The following FOXRED1 variants were observed in gnomAD, a reference collection of about 807,000 sequenced individuals.
FOXRED1 encodes FAD-dependent oxidoreductase domain-containing protein 1.
Under a neutral mutation model 57.8 loss-of-function variants are expected in FOXRED1, and 52 were observed. The observed-to-expected ratio is 0.90, with a 90% CI of 0.72 to 1.13. The LOEUF (loss-of-function observed/expected upper bound fraction) is 1.13, where lower values mean the gene tolerates loss of function less well. Ranked by LOEUF, FOXRED1 falls within the 50% of genes most tolerant of loss-of-function variation. The probability of loss-of-function intolerance (pLI) is 0.00; values close to 1 mark genes in which losing one functional copy is unlikely to be tolerated. For missense variants in FOXRED1, 589 were observed against 625.2 expected, an observed-to-expected ratio of 0.94 and a Z score of 0.62; for synonymous variants, 271 against 248.3, an observed-to-expected ratio of 1.09 and a Z score of -0.86.
At position 126,269,192 on chromosome 11, in the gene FOXRED1, G is replaced by T. The variant is rs201288313; in HGVS notation, c.-15G>T. On this transcript the variant is annotated 5_prime_UTR_variant, in exon 1 of 11. Transcript: ENST00000263578. Reference sequence around the variant, plus strand: ...CAGCAGTGCAGCTTTCAGAGGGTCCGGGCTCAGAGGGGTTATGATTCGGAG... The same window carrying T: ...CAGCAGTGCAGCTTTCAGAGGGTCCTGGCTCAGAGGGGTTATGATTCGGAG... 1.9e-6 allele frequency: 3 copies of T among 1,601,110 alleles called. No individual in the cohort carries two copies. Among genetic ancestry groups the T allele is most frequent in the Admixed American group, 1.7e-5 (1 of 60,020 alleles).
chr11:126,271,692 G>A lies in FOXRED1; in HGVS notation c.306+35G>A. On this transcript the variant is annotated intron_variant, in intron 2 of 10. Coordinates refer to ENST00000263578, the MANE Select transcript of FOXRED1 (RefSeq NM_017547.4). This position sits in a 1 kb window ranked among gnomAD's most constrained non-coding sequence, Gnocchi z 5.3. ...GGGGTAGGGCAGAGTCATGAGTGGG[G>A]CAAGAAAGATGACTCATTTTATTAA... The A allele has an allele frequency of 2.0e-6, 3 of 1,528,766 alleles. No homozygotes were observed. Among genetic ancestry groups the A allele is most frequent in the Non-Finnish European group, 2.7e-6 (3 of 1,104,058 alleles). The allele number at this position is 1,528,766 out of a possible 1,614,324, so 94.7% of individuals were successfully genotyped here.
rs142489681 is a variant in FOXRED1 at position 126,277,631 on chromosome 11, C to T, written c.1403C>T (p.Pro468Leu). ...KGRFQTIDLS[P>L]FLFTRFYLGE... ...AGGTTCCAGACCATCGACCTGAGCC[C>T]CTTCCTCTTTACCCGCTTTTACTTG... The change falls in exon 11 of 11, where the codon CCC (proline) becomes CTC (leucine). Residue 468 changes from proline to leucine, a missense_variant. Physicochemically the swap from Pro to Leu is moderately conservative, Grantham distance 98. Transcript: ENST00000263578. This position sits in a 1 kb window ranked among gnomAD's most constrained non-coding sequence, Gnocchi z 6.8. 6.2e-7 allele frequency: 1 copy of T among 1,613,672 alleles called. No homozygotes were observed. The highest frequency in any genetic ancestry group is 8.5e-7 in the Non-Finnish European group (1 of 1,179,982).
rs1269081584 is a variant in FOXRED1 at position 126,275,937 on chromosome 11, T to C, written c.810+67T>C. The C allele has an allele frequency of 3.1e-5, 48 of 1,552,708 alleles. No individual in the cohort carries two copies. Among genetic ancestry groups the C allele is most frequent in the Non-Finnish European group, 4.2e-5 (47 of 1,124,732 alleles). On this transcript the variant is annotated intron_variant, in intron 7 of 10. Coordinates refer to ENST00000263578, the MANE Select transcript of FOXRED1 (RefSeq NM_017547.4). This position sits in a 1 kb window ranked among gnomAD's most constrained non-coding sequence, Gnocchi z 5.9. ...ACAGGGAAGGTAGTGACTCTCCTTG[T>C]TTTGGTTTTCTTTGACCCACTTTCC...
chr11:126,271,563 G>T lies in FOXRED1; in HGVS notation c.212G>T (p.Gly71Val). 2 of 1,614,252 alleles carry T rather than the reference G, an allele frequency of 1.2e-6. No homozygotes were observed. The highest frequency in any genetic ancestry group is 2.2e-5 in the East Asian group (1 of 44,888). The change falls in exon 2 of 11, where the codon GGT becomes GTT. Residue 71 changes from glycine (G) to valine (V), a missense_variant. Transcript: ENST00000263578. The surrounding 1 kb of genome is among the most constrained non-coding windows in gnomAD (Gnocchi z 5.3). The stretch of plus-strand genomic sequence containing the variant: ...CACTCGGATGTGGTGATCGTGGGAG[G>T]TGGGGTGCTTGGCTTGTCTGTGGCC... ...PEHSDVVIVG[G>V]GVLGLSVAYW...
At position 126,271,128 on chromosome 11, in the gene FOXRED1, T is replaced by C. The variant is rs1950974731; in HGVS notation, c.86-309T>C. The stretch of plus-strand genomic sequence containing the variant: ...AAGGCCTGGAAGACCCAAGTGGGGA[T>C]GACAGTGCAGTTGAATATGTGAGTT... On this transcript the variant is annotated intron_variant, in intron 1 of 10. Transcript: ENST00000263578. This position sits in a 1 kb window ranked among gnomAD's most constrained non-coding sequence, Gnocchi z 5.3. 2.7e-6 allele frequency: 1 copy of C among 374,414 alleles called. No individual in the cohort carries two copies. The highest frequency in any genetic ancestry group is 5.2e-6 in the Non-Finnish European group (1 of 193,668). The allele number at this position is 374,414 out of a possible 1,614,324, so 23.2% of individuals were successfully genotyped here.
chr11:126,269,399 T>C (rs985015233), intron 1 of FOXRED1, 108 bp downstream of exon 1: 31 of 1,595,804 alleles, frequency 1.9e-5, no homozygotes, highest in Non-Finnish European at 2.6e-5. Context: ...GGACAGTGGG[T>C]CGGCTTGGGG....
chr11:126,269,248 C>CA lies in FOXRED1; in HGVS notation c.42_43insA (p.Leu15IlefsTer22). The CA allele has an allele frequency of 3.7e-6, 6 of 1,614,210 alleles. No individual in the cohort carries two copies. Among genetic ancestry groups the CA allele is most frequent in the African/African-American group, 1.3e-5 (1 of 75,068 alleles). ...TGCCGCACGGCATGGGCCGGGGCCT[C>CA]TTGACCCGGAGGCCAGGCACGCGCA... On this transcript the variant is annotated frameshift_variant, in exon 1 of 11. Coordinates refer to ENST00000263578, the MANE Select transcript of FOXRED1 (RefSeq NM_017547.4). LOFTEE classifies it high-confidence loss of function.
chr11:126,272,840 C>G lies in FOXRED1; in HGVS notation c.307-129C>G. ...CCTTCAAGTTGACTTACACATGGGT[C>G]TTAGATTATAGACTTGCAAATAGGA... On this transcript the variant is annotated intron_variant, in intron 2 of 10. Coordinates refer to ENST00000263578, the MANE Select transcript of FOXRED1 (RefSeq NM_017547.4). This position sits in a 1 kb window ranked among gnomAD's most constrained non-coding sequence, Gnocchi z 4.6. 1.4e-6 allele frequency: 1 copy of G among 715,140 alleles called. No individual in the cohort carries two copies. The highest frequency in any genetic ancestry group is 1.5e-5 in the South Asian group (1 of 67,984). The allele number at this position is 715,140 out of a possible 1,614,324, so 44.3% of individuals were successfully genotyped here. A position where few individuals can be genotyped will look rare whatever the true frequency, so the allele number is the denominator to read the frequency against.
chr11:126,271,775 C>A lies in FOXRED1; in HGVS notation c.306+118C>A. 3 of 836,462 alleles carry A rather than the reference C, an allele frequency of 3.6e-6. No homozygotes were observed. The highest frequency in any genetic ancestry group is 4.0e-6 in the Non-Finnish European group (2 of 503,180). 51.8% of individuals were successfully genotyped at this position (836,462 alleles called of 1,614,324 possible). ...AAGACCTCAATCTCGGAGGGTCCAA[C>A]GGACAGAGATTGTGCTTTGGACTTT... On this transcript the variant is annotated intron_variant, in intron 2 of 10. Transcript: ENST00000263578. The surrounding 1 kb of genome is among the most constrained non-coding windows in gnomAD (Gnocchi z 5.3).
chr11:126,273,277 G>T lies in FOXRED1; in HGVS notation c.418-59G>T. 1 of 1,351,612 alleles carries T rather than the reference G, an allele frequency of 7.4e-7. No homozygotes were observed. The highest frequency in any genetic ancestry group is 1.1e-6 in the Non-Finnish European group (1 of 940,572). The allele number at this position is 1,351,612 out of a possible 1,614,324, so 83.7% of individuals were successfully genotyped here. On this transcript the variant is annotated intron_variant, in intron 3 of 10. Coordinates refer to ENST00000263578, the MANE Select transcript of FOXRED1 (RefSeq NM_017547.4). The surrounding 1 kb of genome is among the most constrained non-coding windows in gnomAD (Gnocchi z 5.9). ...GGGGAGCTGTGGGGGAAGAAGGCAGGAAAACTCTTTCTGGCATCCTTAAGT... is the reference window on the plus strand; with the variant it reads ...GGGGAGCTGTGGGGGAAGAAGGCAGTAAAACTCTTTCTGGCATCCTTAAGT...
In FOXRED1 at chr11:126,271,239, A is replaced by AAGG; in HGVS notation, c.86-198_86-197insAGG. 4.8e-6 allele frequency: 3 copies of AAGG among 618,966 alleles called. No homozygotes were observed. Among genetic ancestry groups the AAGG allele is most frequent in the Non-Finnish European group, 8.8e-6 (3 of 341,854 alleles). The allele number at this position is 618,966 out of a possible 1,614,324, so 38.3% of individuals were successfully genotyped here. On this transcript the variant is annotated intron_variant, in intron 1 of 10. Coordinates refer to ENST00000263578, the MANE Select transcript of FOXRED1 (RefSeq NM_017547.4). This position sits in a 1 kb window ranked among gnomAD's most constrained non-coding sequence, Gnocchi z 5.3. ...TTGCAGTGCTTGGCACAATGCATGAAGAGACTGATGGCATGTGGACTATTC... is the reference window on the plus strand; with the variant it reads ...TTGCAGTGCTTGGCACAATGCATGAAAGGGAGACTGATGGCATGTGGACTATTC...
chr11:126,269,204 G>T lies in FOXRED1; in HGVS notation c.-3G>T. 2.5e-6 allele frequency: 4 copies of T among 1,610,994 alleles called. No individual in the cohort carries two copies. The South Asian group carries it at 4.4e-5, about 18-fold the overall frequency. On this transcript the variant is annotated 5_prime_UTR_variant, in exon 1 of 11. Transcript: ENST00000263578. ...TTTCAGAGGGTCCGGGCTCAGAGGG[G>T]TTATGATTCGGAGGGTTCTGCCGCA... is the stretch of plus-strand genomic sequence containing the variant.
In FOXRED1 at chr11:126,277,494, G is replaced by A; in HGVS notation, c.1266G>A (p.Val422=). ...DYNTFDQNGV[V]GPHPLVVNMY... ...ACACCTTTGACCAGAATGGCGTGGTGGGCCCCCACCCGCTAGTTGTCAACA... is the reference window on the plus strand; with the variant it reads ...ACACCTTTGACCAGAATGGCGTGGTAGGCCCCCACCCGCTAGTTGTCAACA... The change falls in exon 11 of 11, where the codon GTG becomes GTA. Residue 422 remains valine (V), a synonymous_variant. Coordinates refer to ENST00000263578, the MANE Select transcript of FOXRED1 (RefSeq NM_017547.4). This position sits in a 1 kb window ranked among gnomAD's most constrained non-coding sequence, Gnocchi z 6.8. 1.2e-6 allele frequency: 2 copies of A among 1,613,554 alleles called. No individual in the cohort carries two copies. The highest frequency in any genetic ancestry group is 1.7e-6 in the Non-Finnish European group (2 of 1,179,980).
rs1951179679 is a variant in FOXRED1, at chr11:126,277,247, G to C, written c.1206+72G>C. On this transcript the variant is annotated intron_variant, in intron 10 of 10. Transcript: ENST00000263578. This position sits in a 1 kb window ranked among gnomAD's most constrained non-coding sequence, Gnocchi z 6.8. ...GGGACAGATGACAGTGGAGCACATT[G>C]GTCCCCTCGGACCCGTGACTGCCGT... The C allele has an allele frequency of 1.7e-6, 2 of 1,211,142 alleles. No homozygotes were observed. Among genetic ancestry groups the C allele is most frequent in the Admixed American group, 3.4e-5 (2 of 58,464 alleles). The allele number at this position is 1,211,142 out of a possible 1,614,324, so 75.0% of individuals were successfully genotyped here.
rs1565359274 is a variant in FOXRED1, at chr11:126,278,092, C to T, written c.*403C>T. 1 of 473,866 alleles carries T rather than the reference C, an allele frequency of 2.1e-6. No individual in the cohort carries two copies. The highest frequency in any genetic ancestry group is 6.5e-4 in the Middle Eastern group (1 of 1,542). 29.4% of individuals were successfully genotyped at this position (473,866 alleles called of 1,614,324 possible). A position where few individuals can be genotyped will look rare whatever the true frequency, so the allele number is the denominator to read the frequency against. On this transcript the variant is annotated 3_prime_UTR_variant, in exon 11 of 11. Transcript: ENST00000263578. This position sits in a 1 kb window ranked among gnomAD's most constrained non-coding sequence, Gnocchi z 4.8. ...GTTTATTGATTTTCGTCTGTTTACC[C>T]TATCCATTAATCAATACATGTAATT...
At position 126,269,202 on chromosome 11, in the gene FOXRED1, G is replaced by A; in HGVS notation, c.-5G>A. On this transcript the variant is annotated 5_prime_UTR_variant, in exon 1 of 11. Transcript: ENST00000263578. ...GCTTTCAGAGGGTCCGGGCTCAGAG[G>A]GGTTATGATTCGGAGGGTTCTGCCG... 6.2e-7 allele frequency: 1 copy of A among 1,610,204 alleles called. No homozygotes were observed. Among genetic ancestry groups the A allele is most frequent in the Non-Finnish European group, 8.5e-7 (1 of 1,176,902 alleles).
At position 126,275,059 on chromosome 11, in the gene FOXRED1, A is replaced by G. The variant is rs1472798293; in HGVS notation, c.631+38A>G. On this transcript the variant is annotated intron_variant, in intron 5 of 10. Transcript: ENST00000263578. This position sits in a 1 kb window ranked among gnomAD's most constrained non-coding sequence, Gnocchi z 5.9. ...TGCAGAGGGGACAGCTTTTTTCCTGAAGATGGAGACTAAGGGGTGCTACAC... is the reference window on the plus strand; with the variant it reads ...TGCAGAGGGGACAGCTTTTTTCCTGGAGATGGAGACTAAGGGGTGCTACAC... The G allele has an allele frequency of 5.1e-6, 7 of 1,374,302 alleles. No homozygotes were observed. The highest frequency in any genetic ancestry group is 7.3e-6 in the Non-Finnish European group (7 of 961,322). The allele number at this position is 1,374,302 out of a possible 1,614,324, so 85.1% of individuals were successfully genotyped here. A position where few individuals can be genotyped will look rare whatever the true frequency, so the allele number is the denominator to read the frequency against.
In FOXRED1 at chr11:126,273,333, C is replaced by CAG. The variant is rs1294305158; in HGVS notation, c.418-2_418-1dup. On this transcript the variant is annotated splice_polypyrimidine_tract_variant and splice_region_variant and intron_variant, in intron 3 of 10. Coordinates refer to ENST00000263578, the MANE Select transcript of FOXRED1 (RefSeq NM_017547.4). The surrounding 1 kb of genome is among the most constrained non-coding windows in gnomAD (Gnocchi z 5.9). ...TCTTTCAGGAGCTTCTGTCTGCACA[C>CAG]AGGAGTACCTGGCCGTAGTCGATGC... 6.2e-7 allele frequency: 1 copy of CAG among 1,601,672 alleles called. No homozygotes were observed. Among genetic ancestry groups the CAG allele is most frequent in the East Asian group, 2.2e-5 (1 of 44,822 alleles).
intron 8 of FOXRED1, 80 bp from the exon 9 acceptor site, chr11:126,276,314 T>TA: frequency 8.4e-7 from 1 of 1,190,722 alleles, no homozygotes; most frequent in Non-Finnish European, 1.1e-6. Flanking sequence ...TGTGTGTGTG[T>TA]GGGGTGTGGG....
Sources: gnomAD v4.1 joint callset for allele counts on GRCh38, gnomAD v4.1.1 for gene constraint, Gnocchi (gnomAD v3.1) non-coding constraint, MANE v1.5 for transcripts, NCBI Gene and HGNC (gene_info 2026-07-23, HGNC 2026-07-21) for gene names.